The following MXI1 variants were observed in gnomAD, a reference collection of about 807,000 sequenced individuals.
MXI1 encodes the protein max-interacting protein 1.
In MXI1, 18 loss-of-function variants were observed where a neutral mutation model predicts 36.9. The observed-to-expected ratio is 0.49, with a 90% CI of 0.34 to 0.72. The LOEUF (loss-of-function observed/expected upper bound fraction) is 0.72. MXI1 is among the 30% of genes least tolerant of loss of function. The probability of loss-of-function intolerance (pLI) is 0.01; values close to 1 mark genes in which losing one functional copy is unlikely to be tolerated. For synonymous variants in MXI1, 160 were observed against 146.7 expected (o/e 1.09, Z -0.65); for missense variants, 304 against 379.1 (o/e 0.80, Z 1.64).
chr10:110,282,425 CCAGA>C (rs1263453602), intron 5 of MXI1, among the ~76,000 whole-genome samples: 1 of 152,156 alleles, frequency 6.6e-6, no homozygotes, highest in Non-Finnish European at 1.5e-5. Context: ...GAAAAGTCTA[CCAGA>C]GGCAGTAGCA....
intron 3 of MXI1, among the ~76,000 whole-genome samples, chr10:110,247,267 T>C (rs1855905314): frequency 6.6e-6 from 1 of 152,206 alleles, no homozygotes; most frequent in African/African-American, 2.4e-5. Flanking sequence ...TTTGAGTTCA[T>C]TGTAGATTCT....
intron 5 of MXI1, among the ~76,000 whole-genome samples, chr10:110,282,908 G>C (rs764747120): frequency 6.6e-6 from 1 of 152,070 alleles, no homozygotes; most frequent in Non-Finnish European, 1.5e-5. Context: ...AAACTCCTGG[G>C]CTCAAGCAAT....
intron 3 of MXI1, among the ~76,000 whole-genome samples, chr10:110,272,215 G>GGAGCA (rs1376517657): frequency 2.0e-5 from 3 of 152,156 alleles, no homozygotes; most frequent in Non-Finnish European, 1.5e-5. Flanking sequence ...AATGCTCATT[G>GGAGCA]GAGCATATCA....
chr10:110,280,665 G>C (rs1310355455), intron 5 of MXI1, among the ~76,000 whole-genome samples: 1 of 149,890 alleles, frequency 6.7e-6, no homozygotes, highest in Non-Finnish European at 1.5e-5. Context: ...GGGCAACAGA[G>C]TGAGGTTCCG....
At chr10:110,231,833 T>C (rs1855275922) in intron 2 of MXI1, among the ~76,000 whole-genome samples, 2 of 152,214 alleles carry the variant, frequency 1.3e-5, no homozygotes, top group East Asian at 1.9e-4. Context: ...ATGACTGCAG[T>C]GTAACACTGA....
intron 1 of MXI1, among the ~76,000 whole-genome samples, chr10:110,218,833 A>G (rs1854724025): frequency 6.6e-6 from 1 of 152,194 alleles, no homozygotes; most frequent in African/African-American, 2.4e-5. Flanking sequence ...ACATGGAGCC[A>G]AGGGCTTCTG....
chr10:110,218,465 A>G (rs1854713558), intron 1 of MXI1, among the ~76,000 whole-genome samples: 2 of 147,892 alleles, frequency 1.4e-5, no homozygotes, highest in Non-Finnish European at 3.0e-5. Context: ...AAAAAAAAAG[A>G]TTTGGAATCT....
chr10:110,215,510 C>T (rs1410589699), intron 1 of MXI1, among the ~76,000 whole-genome samples: 1 of 152,132 alleles, frequency 6.6e-6, no homozygotes. Context: ...TCCTTCTGGG[C>T]TGTGTTCCCT....
rs1431390193 is a variant in MXI1 at position 110,235,928 on chromosome 10, A to AC, written c.407+7610dup. Among the ~76,000 whole-genome samples, 12 of 151,622 alleles carry AC rather than the reference A, an allele frequency of 7.9e-5. No individual in the cohort carries two copies. The South Asian group carries it at 2.5e-3, about 31-fold the overall frequency. On this transcript the variant is annotated intron_variant, in intron 2 of 5. Coordinates refer to ENST00000332674, the MANE Select transcript of MXI1 (RefSeq NM_130439.3). ...AGGCTGAAGCAGGAGAATCACTTGAACCCGGATAGTGGAGTCTACAGTGAG... is the reference window on the plus strand; with the variant it reads ...AGGCTGAAGCAGGAGAATCACTTGAACCCCGGATAGTGGAGTCTACAGTGAG...
chr10:110,245,017 AT>A, intron 3 of MXI1, 160 bp downstream of exon 3: 1 of 691,026 alleles, frequency 1.4e-6, no homozygotes, highest in Non-Finnish European at 2.3e-6. Flanking sequence ...CCAAAAAATG[AT>A]TTAATAGTAA....
At chr10:110,219,901 C>T (rs1412547383) in intron 1 of MXI1, among the ~76,000 whole-genome samples, 1 of 152,204 alleles carries the variant, frequency 6.6e-6, no homozygotes, top group East Asian at 1.9e-4. Flanking sequence ...GTTGGTGTGA[C>T]AGTTCTTGTA....
chr10:110,258,884 T>G (rs1028647372), intron 3 of MXI1, among the ~76,000 whole-genome samples: 1 of 151,770 alleles, frequency 6.6e-6, no homozygotes, highest in Admixed American at 6.6e-5. Context: ...CTGACCTAGG[T>G]TACATATACA....
chr10:110,228,455 A>G (rs759308654), intron 2 of MXI1, 134 bp downstream of exon 2: 55 of 1,080,114 alleles, frequency 5.1e-5, no homozygotes, highest in Non-Finnish European at 7.1e-5. Flanking sequence ...TTTTAAAATA[A>G]TGAAGTCTAG....
intron 3 of MXI1, among the ~76,000 whole-genome samples, chr10:110,276,220 A>G (rs1310237798): frequency 1.3e-5 from 2 of 152,182 alleles, no homozygotes; most frequent in African/African-American, 4.8e-5. Flanking sequence ...TACCTAGAAA[A>G]TCCTCGCTTT....
At chr10:110,258,020 C>T (rs566373489) in intron 3 of MXI1, among the ~76,000 whole-genome samples, 1 of 151,610 alleles carries the variant, frequency 6.6e-6, no homozygotes, top group South Asian at 2.1e-4. Flanking sequence ...AAAATTAAGA[C>T]TAGATATTGA....
At chr10:110,278,726 G>A (rs7081997) in intron 3 of MXI1, among the ~76,000 whole-genome samples, 9,224 of 149,570 alleles carry the variant, frequency 0.062, 477 homozygotes, top group Middle Eastern at 0.13. Context: ...GTGTGTGTGT[G>A]TGCCCACACA....
At chr10:110,208,282 A>C in intron 1 of MXI1, 200 bp downstream of exon 1, 1 of 497,816 alleles carries the variant, frequency 2.0e-6, no homozygotes, top group South Asian at 2.6e-5. Context: ...GGCGAGGGGG[A>C]GAGGGGCCTG....
intron 3 of MXI1, among the ~76,000 whole-genome samples, chr10:110,255,227 A>G (rs1271770188): frequency 6.6e-6 from 1 of 152,184 alleles, no homozygotes; most frequent in East Asian, 1.9e-4. Context: ...TGTAAATGGA[A>G]CAATAAAGCC....
intron 1 of MXI1, among the ~76,000 whole-genome samples, chr10:110,209,597 T>G (rs1373340182): frequency 1.3e-5 from 2 of 152,220 alleles, no homozygotes; most frequent in African/African-American, 4.8e-5. Context: ...GTGCCTGGGT[T>G]GCGAGAAAGG....
Sources: allele counts gnomAD v4.1 joint callset (sites outside exome capture counted in the v4.1 genomes callset), GRCh38; gene constraint gnomAD v4.1.1; transcripts MANE v1.5; gene names NCBI Gene and HGNC (gene_info 2026-07-23, HGNC 2026-07-21).